ALCAM: variants seen among roughly 807,000 people sequenced by gnomAD.
ALCAM encodes activated leukocyte cell adhesion molecule, also known as CD166 antigen.
ALCAM carries 30 observed loss-of-function variants against 70.9 expected under a neutral mutation model. The observed-to-expected ratio is 0.42, with a 90% CI of 0.32 to 0.57. The LOEUF is 0.57. Among genes scored for constraint, ALCAM ranks in the 20% least tolerant of loss-of-function variants. ALCAM has a pLI of 0.11. For synonymous variants in ALCAM, 249 were observed against 242.5 expected (o/e 1.03, Z -0.25); for missense variants, 591 against 695.1 (o/e 0.85, Z 1.68).
At chr3:105,497,857 A>C (rs1576202907) in intron 1 of ALCAM, among the ~76,000 whole-genome samples, 3 of 151,880 alleles carry the variant, frequency 2.0e-5, no homozygotes, top group East Asian at 3.9e-4. Context: ...CGGTGAAACC[A>C]TGTCTCTACT....
At chr3:105,433,670 T>G (rs1234804469) in intron 1 of ALCAM, among the ~76,000 whole-genome samples, 4 of 147,290 alleles carry the variant, frequency 2.7e-5, no homozygotes, top group Middle Eastern at 3.7e-3. Flanking sequence ...ATCAATGCAG[T>G]TTTTTTTTGT....
intron 1 of ALCAM, among the ~76,000 whole-genome samples, chr3:105,507,588 T>G (rs1406849789): frequency 6.6e-6 from 1 of 152,204 alleles, no homozygotes; most frequent in Non-Finnish European, 1.5e-5. Context: ...CGTGTTTTTT[T>G]CATGGCTTGC....
chr3:105,529,805 T>C (rs953841080), intron 3 of ALCAM, among the ~76,000 whole-genome samples: 9 of 152,130 alleles, frequency 5.9e-5, no homozygotes, highest in Admixed American at 2.0e-4. Context: ...TTTATGATTA[T>C]GGGTGCATTG....
chr3:105,413,555 A>G (rs995691942), intron 1 of ALCAM, among the ~76,000 whole-genome samples: 1 of 152,142 alleles, frequency 6.6e-6, no homozygotes, highest in East Asian at 1.9e-4. Flanking sequence ...TAGTAGATGG[A>G]TGTGGGATAA....
intron 1 of ALCAM, among the ~76,000 whole-genome samples, chr3:105,419,058 T>A (rs1936578623): frequency 6.6e-6 from 1 of 151,776 alleles, no homozygotes; most frequent in African/African-American, 2.4e-5. Context: ...CTATGGGGTC[T>A]CTGATTTTTA....
At chr3:105,432,424 A>G (rs1303645550) in intron 1 of ALCAM, among the ~76,000 whole-genome samples, 4 of 152,154 alleles carry the variant, frequency 2.6e-5, no homozygotes, top group Non-Finnish European at 5.9e-5. Context: ...TACACTTCCC[A>G]TAGAAAACTG....
intron 14 of ALCAM, among the ~76,000 whole-genome samples, chr3:105,556,910 T>C (rs1940530563): frequency 6.6e-6 from 1 of 152,076 alleles, no homozygotes; most frequent in Admixed American, 6.6e-5. Flanking sequence ...TTCTCTTTTT[T>C]TGGTTATTTT....
chr3:105,469,674 T>A (rs1937864819), intron 1 of ALCAM, among the ~76,000 whole-genome samples: 1 of 151,108 alleles, frequency 6.6e-6, no homozygotes, highest in Admixed American at 6.6e-5. Flanking sequence ...TAGCTTAGAA[T>A]TTGTATCTGT....
chr3:105,522,755 T>A (rs1939578634), intron 2 of ALCAM, among the ~76,000 whole-genome samples: 1 of 152,146 alleles, frequency 6.6e-6, no homozygotes, highest in Admixed American at 6.5e-5. Flanking sequence ...TTAACCAAAC[T>A]CAACCTCCAT....
At chr3:105,500,070 T>A (rs1374534633) in intron 1 of ALCAM, among the ~76,000 whole-genome samples, 1 of 152,228 alleles carries the variant, frequency 6.6e-6, no homozygotes, top group African/African-American at 2.4e-5. Flanking sequence ...GTTCACAGAC[T>A]ACACAGGATC....
intron 2 of ALCAM, 93 bp downstream of exon 2, chr3:105,520,260 A>T (rs964526613): frequency 1.1e-6 from 1 of 899,224 alleles, no homozygotes; most frequent in African/African-American, 1.7e-5. Flanking sequence ...AATTAACCTA[A>T]ATGCAATATT....
intron 2 of ALCAM, among the ~76,000 whole-genome samples, chr3:105,523,011 G>A (rs1433213313): frequency 6.6e-6 from 1 of 151,804 alleles, no homozygotes; most frequent in Non-Finnish European, 1.5e-5. Flanking sequence ...GTGGTGGCGC[G>A]TGCCTGTAGT....
At chr3:105,500,492 A>T (rs1408236158) in intron 1 of ALCAM, among the ~76,000 whole-genome samples, 2 of 152,198 alleles carry the variant, frequency 1.3e-5, no homozygotes, top group Non-Finnish European at 2.9e-5. Context: ...AAAATTTAAT[A>T]TACGAAAGTT....
At chr3:105,551,800 T>C (rs1940414163) in intron 12 of ALCAM, among the ~76,000 whole-genome samples, 1 of 151,452 alleles carries the variant, frequency 6.6e-6, no homozygotes. Context: ...ACTGTAGACT[T>C]CCTAGGTGCC....
intron 1 of ALCAM, among the ~76,000 whole-genome samples, chr3:105,425,684 T>C (rs1553722376): frequency 6.6e-6 from 1 of 151,764 alleles, no homozygotes; most frequent in Non-Finnish European, 1.5e-5. Flanking sequence ...TAGGCATAAA[T>C]TAAATAGTCA....
At chr3:105,559,414 A>C (rs561318353) in intron 14 of ALCAM, among the ~76,000 whole-genome samples, 1 of 151,792 alleles carries the variant, frequency 6.6e-6, no homozygotes, top group Non-Finnish European at 1.5e-5. Context: ...GAGACTGGGA[A>C]TTTCAAGATC....
chr3:105,514,681 A>G (rs1939332425), intron 1 of ALCAM, among the ~76,000 whole-genome samples: 1 of 151,936 alleles, frequency 6.6e-6, no homozygotes, highest in African/African-American at 2.4e-5. Context: ...CTAGTAGTTT[A>G]TAATTTAGTA....
At chr3:105,374,256 A>G (rs1935318084) in intron 1 of ALCAM, among the ~76,000 whole-genome samples, 1 of 152,118 alleles carries the variant, frequency 6.6e-6, no homozygotes, top group Admixed American at 6.5e-5. Context: ...AAAACTCATT[A>G]TAAGAACCTA....
At chr3:105,390,352 T>A (rs6797358) in intron 1 of ALCAM, among the ~76,000 whole-genome samples, 6 of 152,086 alleles carry the variant, frequency 3.9e-5, no homozygotes, top group Non-Finnish European at 2.9e-5. Flanking sequence ...GATTAGTGAC[T>A]TTGAGCTTTG....
Sources: gnomAD v4.1 joint callset for allele counts (sites outside exome capture counted in the v4.1 genomes callset) on GRCh38, gnomAD v4.1.1 for gene constraint, MANE v1.5 for transcripts, NCBI Gene and HGNC (gene_info 2026-07-23, HGNC 2026-07-21) for gene names.